DLL3: variants seen among roughly 807,000 people sequenced by gnomAD.
The protein encoded by DLL3 is delta like canonical Notch ligand 3, also known as delta-like protein 3.
Under a neutral mutation model 55.0 loss-of-function variants are expected in DLL3, and 49 were observed. That is an observed-to-expected ratio of 0.89 (90% CI 0.71 to 1.13). The LOEUF is 1.13. Ranked by LOEUF, DLL3 falls within the 50% of genes most tolerant of loss-of-function variation. DLL3 has a pLI of 0.00. For synonymous variants in DLL3, 421 were observed against 385.2 expected (o/e 1.09, Z -1.09); for missense variants, 962 against 875.5 (o/e 1.10, Z -1.25).
intron 6 of DLL3, among the ~76,000 whole-genome samples, chr19:39,506,265 G>A (rs953372382): frequency 7.6e-5 from 11 of 143,820 alleles, no homozygotes; most frequent in Non-Finnish European, 1.2e-4. Flanking sequence ...CATGAATGTA[G>A]GCTGAAGCAG....
rs754997290 is a variant in DLL3 at position 39,507,916 on chromosome 19, T to C, written c.1758+2T>C. Reference sequence around the variant, plus strand: ...GCTCCTTCCATCTACGCTCGGGAGGTAGCGACGCCCCTTTTCCCCCCGCTA... The same window carrying C: ...GCTCCTTCCATCTACGCTCGGGAGGCAGCGACGCCCCTTTTCCCCCCGCTA... On this transcript the variant is annotated splice_donor_variant, in intron 8 of 8. Coordinates refer to ENST00000356433, the MANE Select transcript of DLL3 (RefSeq NM_203486.3). LOFTEE classifies it high-confidence loss of function. 4.3e-6 allele frequency: 7 copies of C among 1,613,810 alleles called. No individual in the cohort carries two copies. The highest frequency in any genetic ancestry group is 2.2e-5 in the East Asian group (1 of 44,876).
Position 39,507,316 on chromosome 19 carries a change from C to T in DLL3, c.1371C>T (p.Pro457=). Residue 457 remains proline, a synonymous_variant, in exon 7 of 9, where the codon CCC becomes CCT. Transcript: ENST00000356433. Reference sequence around the variant, plus strand: ...CCGGCCTCGTCTGCGCTTGCGCTCCCGGCTACATGGGAGCGCGGTGTGAGT... The same window carrying T: ...CCGGCCTCGTCTGCGCTTGCGCTCCTGGCTACATGGGAGCGCGGTGTGAGT... ...HFSGLVCACA[P]GYMGARCEFP... The T allele has an allele frequency of 1.9e-6, 3 of 1,562,640 alleles. No individual in the cohort carries two copies. Among genetic ancestry groups the T allele is most frequent in the Admixed American group, 1.8e-5 (1 of 54,838 alleles).
chr19:39,501,533 G>A (rs1185704247), intron 3 of DLL3, among the ~76,000 whole-genome samples: 3 of 152,140 alleles, frequency 2.0e-5, no homozygotes, highest in Non-Finnish European at 2.9e-5. Context: ...TGTTGCCCAG[G>A]CTGGTCTCAA....
Position 39,507,481 on chromosome 19 carries a change from G to A in DLL3, c.1536G>A (p.Leu512=), listed in dbSNP as rs2079650740. The change falls in exon 7 of 9, where the codon CTG becomes CTA. Residue 512 remains leucine, a synonymous_variant. Transcript: ENST00000356433. ...GCGTGGCCGGCGCTGCGCTCTTGCT[G>A]GTCCACGTGCGCCGCCGTGGCCACT... ...AAGVAGAALL[L]VHVRRRGHSQ... 1 of 1,594,552 alleles carries A rather than the reference G, an allele frequency of 6.3e-7. No homozygotes were observed. The highest frequency in any genetic ancestry group is 1.3e-5 in the African/African-American group (1 of 74,524).
At chr19:39,507,717 C>A in intron 7 of DLL3, 99 bp downstream of exon 7, 1 of 1,595,324 alleles carries the variant, frequency 6.3e-7, no homozygotes, top group South Asian at 1.1e-5. Flanking sequence ...TTTCCCTGGT[C>A]GGTCTCTCTT....
chr19:39,505,155 G>A (rs560089545), intron 5 of DLL3, 74 bp from the exon 6 acceptor site: 33 of 1,476,118 alleles, frequency 2.2e-5, no homozygotes, highest in African/African-American at 2.2e-4. Context: ...AGCCCCCAGT[G>A]GTTAGGACTG....
chr19:39,504,028 G>C, intron 4 of DLL3, 43 bp from the exon 5 acceptor site: 8 of 1,598,650 alleles, frequency 5.0e-6, no homozygotes, highest in Non-Finnish European at 6.8e-6. Context: ...GGCCCTCCCC[G>C]ACGTTGGTGT....
Position 39,500,596 on chromosome 19 carries a change from C to G in DLL3, c.352-19C>G, listed in dbSNP as rs754371527. On this transcript the variant is annotated intron_variant, in intron 2 of 8. Coordinates refer to ENST00000356433, the MANE Select transcript of DLL3 (RefSeq NM_203486.3). ...CACTGTCTTTCATCTTTCATCTCCC[C>G]CTTCCTTCACCCAACCAGGGCACCT... 3 of 1,611,138 alleles carry G rather than the reference C, an allele frequency of 1.9e-6. No individual in the cohort carries two copies. Among genetic ancestry groups the G allele is most frequent in the South Asian group, 2.2e-5 (2 of 91,008 alleles).
At chr19:39,507,670 C>A in intron 7 of DLL3, 52 bp downstream of exon 7, 2 of 1,587,850 alleles carry the variant, frequency 1.3e-6, no homozygotes, top group East Asian at 2.3e-5. Flanking sequence ...TGCTTTTACC[C>A]ATCTCCGTGG....
rs1382766109 is a variant in DLL3 at position 39,499,015 on chromosome 19, T to C, written c.41T>C (p.Val14Ala). Residue 14 changes from valine to alanine, a missense_variant, in exon 1 of 9, where the codon GTG becomes GCG. Physicochemically the swap from Val to Ala is moderately conservative, Grantham distance 64 (BLOSUM62 0). Coordinates refer to ENST00000356433, the MANE Select transcript of DLL3 (RefSeq NM_203486.3). ...ATGTCCGGGCTCCTCTCCCAGACTG[T>C]GATCCTAGCGCTCATTTTCCTCCCC... ...PRMSGLLSQT[V>A]ILALIFLPQT... 6.2e-7 allele frequency: 1 copy of C among 1,613,696 alleles called. No individual in the cohort carries two copies. The highest frequency in any genetic ancestry group is 8.5e-7 in the Non-Finnish European group (1 of 1,179,994).
In DLL3 at chr19:39,507,821, C is replaced by T. The variant is rs2079653502; in HGVS notation, c.1674-9C>T. The T allele has an allele frequency of 1.9e-6, 3 of 1,614,134 alleles. No homozygotes were observed. Among genetic ancestry groups the T allele is most frequent in the Non-Finnish European group, 2.5e-6 (3 of 1,180,008 alleles). ...AGTCTGAGTTTTTCTTCTTTCTCTC[C>T]TCCCACAGCTCGTCCGTAGATTGGA... On this transcript the variant is annotated splice_polypyrimidine_tract_variant and intron_variant, in intron 7 of 8. Transcript: ENST00000356433.
At chr19:39,500,493 CCTTG>C in intron 2 of DLL3, 118 bp from the exon 3 acceptor site, 8 of 820,878 alleles carry the variant, frequency 9.7e-6, no homozygotes, top group Non-Finnish European at 1.6e-5. Flanking sequence ...GGGAATTGTC[CCTTG>C]CTTGCTCAGT....
In DLL3 at chr19:39,503,011, GGGA is replaced by G; in HGVS notation, c.607_609del (p.Gly203del). ...GCAGCGCCCCCTCGCGGTGCGGTCC[GGGA>G]CTGCGCCCCTGCGCACCGCTCGAGG... On this transcript the variant is annotated inframe_deletion, in exon 4 of 9. Transcript: ENST00000356433. 3 of 1,506,150 alleles carry G rather than the reference GGGA, an allele frequency of 2.0e-6. No homozygotes were observed. The South Asian group carries it at 3.7e-5, about 19-fold the overall frequency. The allele number at this position is 1,506,150 out of a possible 1,614,324, so 93.3% of individuals were successfully genotyped here. A position where few individuals can be genotyped will look rare whatever the true frequency, so the allele number is the denominator to read the frequency against.
At position 39,502,938 on chromosome 19, in the gene DLL3, G is replaced by A; in HGVS notation, c.533G>A (p.Cys178Tyr). The A allele has an allele frequency of 6.9e-7, 1 of 1,441,250 alleles. No homozygotes were observed. Among genetic ancestry groups the A allele is most frequent in the Non-Finnish European group, 9.1e-7 (1 of 1,103,404 alleles). The allele number at this position is 1,441,250 out of a possible 1,614,324, so 89.3% of individuals were successfully genotyped here. ...WELRFSYRAR[C>Y]EPPAVGTACT... is the part of the protein sequence containing the mutation. Reference sequence around the variant, plus strand: ...CTGCGCTTCTCGTACCGCGCGCGCTGCGAGCCGCCTGCCGTCGGGACCGCG... The same window carrying A: ...CTGCGCTTCTCGTACCGCGCGCGCTACGAGCCGCCTGCCGTCGGGACCGCG... Residue 178 changes from cysteine to tyrosine, a missense_variant, in exon 4 of 9, where the codon TGC becomes TAC. By Grantham distance (194) the Cys-to-Tyr change is radical. Coordinates refer to ENST00000356433, the MANE Select transcript of DLL3 (RefSeq NM_203486.3).
chr19:39,503,907 TG>T (rs547961584), intron 4 of DLL3, among the ~76,000 whole-genome samples, 163 bp from the exon 5 acceptor site: 10 of 152,208 alleles, frequency 6.6e-5, no homozygotes, highest in Middle Eastern at 3.4e-3. Flanking sequence ...ATCTGTAAAC[TG>T]GGGGGGCGGT....
intron 2 of DLL3, among the ~76,000 whole-genome samples, chr19:39,500,252 A>G (rs576309093): frequency 1.2e-3 from 164 of 137,016 alleles, no homozygotes; most frequent in African/African-American, 4.4e-3. Flanking sequence ...ACATAGTGAG[A>G]CCTCGTTTCT....
Position 39,505,344 on chromosome 19 carries a change from G to C in DLL3, c.986G>C (p.Gly329Ala). Residue 329 changes from glycine to alanine, a missense_variant, in exon 6 of 9, where the codon GGG (glycine) becomes GCG (alanine). Coordinates refer to ENST00000356433, the MANE Select transcript of DLL3 (RefSeq NM_203486.3). ...TGCTTCAACGGCGGCTTGTGTGTCG[G>C]GGGTGCAGACCCTGACTCTGCCTAC... ...GPCFNGGLCV[G>A]GADPDSAYIC... 1 of 1,614,178 alleles carries C rather than the reference G, an allele frequency of 6.2e-7. No individual in the cohort carries two copies. Among genetic ancestry groups the C allele is most frequent in the Non-Finnish European group, 8.5e-7 (1 of 1,180,024 alleles).
At position 39,507,358 on chromosome 19, in the gene DLL3, C is replaced by A. The variant is rs1354805440; in HGVS notation, c.1413C>A (p.Asp471Glu). The A allele has an allele frequency of 6.4e-7, 1 of 1,571,500 alleles. No homozygotes were observed. Among genetic ancestry groups the A allele is most frequent in the South Asian group, 1.1e-5 (1 of 87,204 alleles). Reference protein sequence around the residue: ...GARCEFPVHPDGASALPAAPP... With the variant: ...GARCEFPVHPEGASALPAAPP... ...GGTGTGAGTTCCCAGTGCACCCCGA[C>A]GGCGCAAGCGCCTTGCCCGCGGCCC... The change falls in exon 7 of 9, where the codon GAC becomes GAA. Residue 471 changes from aspartate to glutamate, a missense_variant. Asp to Glu is a conservative substitution (Grantham distance 45). Transcript: ENST00000356433.
At position 39,507,282 on chromosome 19, in the gene DLL3, C is replaced by A; in HGVS notation, c.1337C>A (p.Ala446Asp). 1 of 1,540,998 alleles carries A rather than the reference C, an allele frequency of 6.5e-7. No homozygotes were observed. Among genetic ancestry groups the A allele is most frequent in the Non-Finnish European group, 8.7e-7 (1 of 1,150,432 alleles). Residue 446 changes from alanine to aspartate, a missense_variant, in exon 7 of 9, where the codon GCC (alanine) becomes GAC (aspartate). Coordinates refer to ENST00000356433, the MANE Select transcript of DLL3 (RefSeq NM_203486.3). Reference protein sequence around the residue: ...RPCAHGGRCYAHFSGLVCACA... With the variant: ...RPCAHGGRCYDHFSGLVCACA... ...TGTGCTCACGGCGGCCGCTGCTACG[C>A]CCACTTCTCCGGCCTCGTCTGCGCT...
Sources: gnomAD v4.1 joint callset for allele counts (sites outside exome capture counted in the v4.1 genomes callset) on GRCh38, gnomAD v4.1.1 for gene constraint, MANE v1.5 for transcripts, NCBI Gene and HGNC (gene_info 2026-07-23, HGNC 2026-07-21) for gene names.